The following BCR variants were observed in gnomAD, a reference collection of about 807,000 sequenced individuals.
BCR encodes breakpoint cluster region protein.
Under a neutral mutation model 138.6 loss-of-function variants are expected in BCR, and 58 were observed. The observed-to-expected ratio is 0.42, with a 90% CI of 0.34 to 0.52. The LOEUF (loss-of-function observed/expected upper bound fraction) is 0.52, where lower values mean the gene tolerates loss of function less well. BCR is among the 20% of genes least tolerant of loss of function. The pLI, the probability that BCR is intolerant of heterozygous loss-of-function variation, is 0.06. For missense variants in BCR, 1,599 were observed against 1,727.2 expected, an observed-to-expected ratio of 0.93 and a Z score of 1.32; for synonymous variants, 786 against 730.1, an observed-to-expected ratio of 1.08 and a Z score of -1.23.
In BCR at chr22:23,263,550, C is replaced by T. The variant is rs191143200; in HGVS notation, c.1752+2010C>T. On this transcript the variant is annotated intron_variant, in intron 4 of 22. Transcript: ENST00000305877. ...TAATTTCATCCTGGCCTACCAGTTCCGTCCAGATGGTGCCAGCTTGAACCG... is the reference window on the plus strand; with the variant it reads ...TAATTTCATCCTGGCCTACCAGTTCTGTCCAGATGGTGCCAGCTTGAACCG... 201 of 1,575,020 alleles carry T rather than the reference C, an allele frequency of 1.3e-4. No homozygotes were observed. The African/African-American group carries it at 1.7e-3, about 13-fold the overall frequency.
chr22:23,209,121 A>G (rs1393911958), intron 1 of BCR, among the ~76,000 whole-genome samples: 1 of 152,120 alleles, frequency 6.6e-6, no homozygotes, highest in Admixed American at 6.5e-5. Flanking sequence ...GCACTTTGGT[A>G]GGCCGAAGTG....
intron 4 of BCR, chr22:23,263,930 A>AC (rs2073403943): frequency 1.1e-6 from 1 of 928,240 alleles, no homozygotes; most frequent in Non-Finnish European, 1.8e-6. Flanking sequence ...GGCACTTCTC[A>AC]CCCCTGAAAA....
chr22:23,234,153 A>G (rs2072994871), intron 1 of BCR, among the ~76,000 whole-genome samples: 1 of 152,120 alleles, frequency 6.6e-6, no homozygotes. Context: ...AAATTCTATT[A>G]TGTGTCCTAT....
At chr22:23,274,861 TC>T (rs2073554353) in intron 8 of BCR, among the ~76,000 whole-genome samples, 1 of 134,024 alleles carries the variant, frequency 7.5e-6, no homozygotes, top group African/African-American at 2.9e-5. Context: ...TGAGCCGAGA[TC>T]TCACCACTGC....
At chr22:23,281,929 G>C (rs1464345365) in intron 8 of BCR, among the ~76,000 whole-genome samples, 2 of 152,236 alleles carry the variant, frequency 1.3e-5, no homozygotes, top group African/African-American at 4.8e-5. Context: ...CTGCTGGAGA[G>C]GGAGCTGCGT....
Position 23,268,399 on chromosome 22 carries a change from C to T in BCR, c.1753-9C>T, listed in dbSNP as rs764315634. 9.5e-5 allele frequency: 153 copies of T among 1,603,410 alleles called. No homozygotes were observed. The highest frequency in any genetic ancestry group is 1.2e-4 in the Non-Finnish European group (136 of 1,174,464). On this transcript the variant is annotated splice_polypyrimidine_tract_variant and intron_variant, in intron 4 of 22. Coordinates refer to ENST00000305877, the MANE Select transcript of BCR (RefSeq NM_004327.4). ...CCTGTCCCACTCTCTCTTCCTTCCT[C>T]CCCCTCAGGCCAGCCAGCTGGGTGT...
At chr22:23,192,269 A>G (rs1388676927) in intron 1 of BCR, among the ~76,000 whole-genome samples, 1 of 152,208 alleles carries the variant, frequency 6.6e-6, no homozygotes, top group Non-Finnish European at 1.5e-5. Context: ...AACCTGCCCA[A>G]GGTCAAGTGG....
chr22:23,237,254 T>C (rs1454537047), intron 1 of BCR, among the ~76,000 whole-genome samples: 1 of 152,224 alleles, frequency 6.6e-6, no homozygotes, highest in Admixed American at 6.5e-5. Flanking sequence ...GGCAGGTGGC[T>C]GAGTTGGCTC....
intron 1 of BCR, among the ~76,000 whole-genome samples, chr22:23,194,396 T>A (rs115489696): frequency 0.032 from 4,582 of 141,470 alleles, 246 homozygotes; most frequent in African/African-American, 0.11. Context: ...TCTCCATTTT[T>A]TTTTTCTTTT....
chr22:23,270,846 C>G (rs987675902), intron 5 of BCR, among the ~76,000 whole-genome samples: 2 of 152,238 alleles, frequency 1.3e-5, no homozygotes, highest in African/African-American at 2.4e-5. Context: ...ATCAAAACAG[C>G]CTAGGCTATT....
intron 1 of BCR, among the ~76,000 whole-genome samples, chr22:23,185,276 G>A (rs1247536820): frequency 6.6e-6 from 1 of 152,206 alleles, no homozygotes; most frequent in Admixed American, 6.5e-5. Flanking sequence ...TACCTGCAAA[G>A]CACAACTGGG....
At chr22:23,234,527 C>T (rs937526838) in intron 1 of BCR, among the ~76,000 whole-genome samples, 7 of 152,096 alleles carry the variant, frequency 4.6e-5, no homozygotes, top group African/African-American at 7.2e-5. Context: ...ACCCTACACA[C>T]GGTGAGTGGG....
At chr22:23,299,514 C>T (rs891955801) in intron 16 of BCR, among the ~76,000 whole-genome samples, 1 of 152,108 alleles carries the variant, frequency 6.6e-6, no homozygotes, top group Admixed American at 6.5e-5. Context: ...ACTCCCATCA[C>T]GTCCCCCGTG....
intron 5 of BCR, 112 bp from the exon 6 acceptor site, chr22:23,271,420 C>T: frequency 9.3e-7 from 1 of 1,077,012 alleles, no homozygotes; most frequent in Non-Finnish European, 1.4e-6. Flanking sequence ...TCAGAATGCA[C>T]CTGGGGTTTG....
intron 17 of BCR, chr22:23,310,056 T>C (rs1961134): frequency 1.2e-4 from 58 of 475,362 alleles, no homozygotes; most frequent in African/African-American, 5.9e-4. Flanking sequence ...TGCAAGCTCC[T>C]ATATCTAAAA....
Position 23,273,689 on chromosome 22 carries a change from C to G in BCR, c.2030C>G (p.Ala677Gly). ...SHPDHPLLQD[A>G]LRISQNFLSS... The stretch of plus-strand genomic sequence containing the variant: ...CCTGACCACCCCTTGCTGCAGGACG[C>G]CCTCCGCATCTCACAGAACTTCCTG... Residue 677 changes from alanine (A) to glycine (G), a missense_variant, in exon 8 of 23, where the codon GCC (alanine) becomes GGC (glycine). Transcript: ENST00000305877. 1 of 1,614,138 alleles carries G rather than the reference C, an allele frequency of 6.2e-7. No homozygotes were observed. The highest frequency in any genetic ancestry group is 1.1e-5 in the South Asian group (1 of 91,082).
chr22:23,304,535 C>T (rs757289475), intron 16 of BCR, among the ~76,000 whole-genome samples: 1 of 152,168 alleles, frequency 6.6e-6, no homozygotes, highest in Non-Finnish European at 1.5e-5. Context: ...GATGCAGCCA[C>T]GAACATGTCC....
chr22:23,185,859 G>T (rs904565352), intron 1 of BCR, among the ~76,000 whole-genome samples: 3 of 151,692 alleles, frequency 2.0e-5, no homozygotes, highest in African/African-American at 7.3e-5. Context: ...CTCCTGGGTA[G>T]CTGGGACCAC....
chr22:23,270,789 G>A (rs1293122949), intron 5 of BCR, among the ~76,000 whole-genome samples: 1 of 152,198 alleles, frequency 6.6e-6, no homozygotes, highest in Non-Finnish European at 1.5e-5. Flanking sequence ...AGGCACACAG[G>A]GATCTTTTAT....
Sources: gnomAD v4.1 joint callset for allele counts (sites outside exome capture counted in the v4.1 genomes callset) on GRCh38, gnomAD v4.1.1 for gene constraint, MANE v1.5 for transcripts, NCBI Gene and HGNC (gene_info 2026-07-23, HGNC 2026-07-21) for gene names.